The following CEP112 variants were observed in gnomAD, a reference collection of about 807,000 sequenced individuals.
CEP112 encodes centrosomal protein 112, also known as centrosomal protein of 112 kDa.
A neutral mutation model predicts 153.0 loss-of-function variants in CEP112; 127 were observed. That is an observed-to-expected ratio of 0.83 (90% confidence interval 0.72 to 0.96). The LOEUF (loss-of-function observed/expected upper bound fraction) is 0.96, where lower values mean the gene tolerates loss of function less well. CEP112 is among the 40% of genes least tolerant of loss of function. The pLI is 0.00. For missense variants in CEP112, 1,089 were observed against 1,101.2 expected (o/e 0.99, Z 0.16); for synonymous variants, 358 against 374.4 (o/e 0.96, Z 0.51).
chr17:65,713,974 C>T (rs2049349207), intron 23 of CEP112, among the ~76,000 whole-genome samples: 1 of 152,164 alleles, frequency 6.6e-6, no homozygotes, highest in East Asian at 1.9e-4. Context: ...TCTGGCCAGT[C>T]TTCATCTGTC....
chr17:65,844,135 A>G (rs776753511), intron 21 of CEP112, among the ~76,000 whole-genome samples: 2 of 152,200 alleles, frequency 1.3e-5, no homozygotes, highest in Non-Finnish European at 2.9e-5. Context: ...TAAATGTTCA[A>G]TCTCTCACAC....
At chr17:65,766,986 GA>G (rs1482968036) in intron 21 of CEP112, among the ~76,000 whole-genome samples, 1 of 151,230 alleles carries the variant, frequency 6.6e-6, no homozygotes, top group Non-Finnish European at 1.5e-5. Flanking sequence ...ACAACAGACC[GA>G]TAATGAGACA....
intron 16 of CEP112, among the ~76,000 whole-genome samples, chr17:66,011,788 A>T (rs1304106174): frequency 1.3e-5 from 2 of 152,216 alleles, no homozygotes; most frequent in East Asian, 3.9e-4. Context: ...TCCCTTGATG[A>T]TCTGACATTT....
intron 23 of CEP112, among the ~76,000 whole-genome samples, chr17:65,738,011 C>A (rs1266664828): frequency 6.6e-6 from 1 of 152,186 alleles, no homozygotes; most frequent in Admixed American, 6.5e-5. Context: ...GCCGTGTTTA[C>A]ACATAGGAAG....
intron 24 of CEP112, among the ~76,000 whole-genome samples, chr17:65,650,594 T>C (rs1218498213): frequency 6.6e-6 from 1 of 151,964 alleles, no homozygotes; most frequent in African/African-American, 2.4e-5. Context: ...ATGTTCGTCT[T>C]GCTTTTAATA....
intron 17 of CEP112, among the ~76,000 whole-genome samples, chr17:65,962,129 C>T (rs2062226956): frequency 6.6e-6 from 1 of 152,000 alleles, no homozygotes; most frequent in African/African-American, 2.4e-5. Flanking sequence ...GGAGTGATTG[C>T]CAAGGGATAT....
intron 12 of CEP112, among the ~76,000 whole-genome samples, chr17:66,040,566 G>A (rs769183174): frequency 7.0e-6 from 1 of 142,908 alleles, no homozygotes; most frequent in Non-Finnish European, 1.5e-5. Context: ...GTGCAATCTC[G>A]GCTCACTGCA....
At chr17:65,796,538 A>T (rs1415627188) in intron 21 of CEP112, among the ~76,000 whole-genome samples, 1 of 152,170 alleles carries the variant, frequency 6.6e-6, no homozygotes, top group Non-Finnish European at 1.5e-5. Context: ...TCTATTTTTT[A>T]AAAAACCTCA....
chr17:66,078,563 T>C (rs1020585057), intron 8 of CEP112, among the ~76,000 whole-genome samples: 2 of 152,310 alleles, frequency 1.3e-5, no homozygotes, highest in African/African-American at 4.8e-5. Context: ...GGAAGTTTTA[T>C]ATCTTTTATG....
intron 24 of CEP112, among the ~76,000 whole-genome samples, chr17:65,672,192 A>G (rs1386475295): frequency 2.0e-5 from 3 of 152,250 alleles, no homozygotes; most frequent in Non-Finnish European, 4.4e-5. Flanking sequence ...ATATTTGGGA[A>G]TAAGTTTAAT....
intron 19 of CEP112, among the ~76,000 whole-genome samples, chr17:65,921,927 G>A (rs2060745001): frequency 6.6e-6 from 1 of 152,034 alleles, no homozygotes; most frequent in Non-Finnish European, 1.5e-5. Context: ...CTGTCACAAT[G>A]TGGATAATAG....
intron 23 of CEP112, among the ~76,000 whole-genome samples, chr17:65,731,505 AG>A (rs1435030851): frequency 2.6e-5 from 4 of 152,128 alleles, no homozygotes; most frequent in Admixed American, 2.0e-4. Context: ...CTGACTAATA[AG>A]GGTGGTGGTT....
intron 23 of CEP112, among the ~76,000 whole-genome samples, chr17:65,725,382 A>G (rs374204762): frequency 5.2e-4 from 79 of 152,280 alleles, no homozygotes; most frequent in African/African-American, 1.6e-3. Context: ...CAGTGGCACA[A>G]TCTCAACTCA....
At chr17:66,145,583 G>A (rs1009155882) in intron 4 of CEP112, among the ~76,000 whole-genome samples, 1 of 152,070 alleles carries the variant, frequency 6.6e-6, no homozygotes, top group Non-Finnish European at 1.5e-5. Flanking sequence ...TTGATAAAAA[G>A]ACCTTCTTTC....
In CEP112 at chr17:65,947,404, C is replaced by G. The variant is rs192089506; in HGVS notation, c.1872+14059G>C. On this transcript the variant is annotated intron_variant, in intron 18 of 26. Coordinates refer to ENST00000535342, the MANE Select transcript of CEP112 (RefSeq NM_001199165.4). ...AAAGAAAAAATCCCGTCTGTTGAAT[C>G]CTTTGACTGGCCAGTAAGTCAATAA... 1.4e-3 allele frequency among the ~76,000 whole-genome samples: 206 copies of G among 152,116 alleles called. 1 individual carries two copies. Among genetic ancestry groups the G allele is most frequent in the Non-Finnish European group, 2.6e-3 (180 of 67,948 alleles).
At chr17:66,101,590 C>A (rs1278844891) in intron 6 of CEP112, among the ~76,000 whole-genome samples, 1 of 151,034 alleles carries the variant, frequency 6.6e-6, no homozygotes, top group Admixed American at 6.6e-5. Context: ...TACTGTTGTA[C>A]TATTCTTTTT....
intron 24 of CEP112, among the ~76,000 whole-genome samples, chr17:65,649,121 G>A (rs1490266978): frequency 7.7e-6 from 1 of 129,758 alleles, no homozygotes; most frequent in African/African-American, 2.6e-5. Context: ...CACACACACT[G>A]TATCAACCAA....
At chr17:66,014,579 T>C (rs2064690377) in intron 16 of CEP112, among the ~76,000 whole-genome samples, 6 of 152,158 alleles carry the variant, frequency 3.9e-5, no homozygotes, top group Admixed American at 3.3e-4. Context: ...ACCATCTCTC[T>C]AAGCAACTCT....
chr17:65,896,392 C>A (rs1172431482), intron 20 of CEP112, among the ~76,000 whole-genome samples: 1 of 151,888 alleles, frequency 6.6e-6, no homozygotes, highest in African/African-American at 2.4e-5. Context: ...AGGATGAAAA[C>A]AATTACAGAA....
Sources: allele counts gnomAD v4.1 joint callset (sites outside exome capture counted in the v4.1 genomes callset), GRCh38; gene constraint gnomAD v4.1.1; transcripts MANE v1.5; gene names NCBI Gene and HGNC (gene_info 2026-07-23, HGNC 2026-07-21).